Variants in MYT1 observed in about 807,000 individuals in gnomAD.
MYT1 encodes myelin transcription factor I.
Under a neutral mutation model 123.0 loss-of-function variants are expected in MYT1, and 23 were observed. The ratio of observed to expected loss-of-function variants is 0.19; its 90% confidence interval spans 0.13 to 0.26. The LOEUF (loss-of-function observed/expected upper bound fraction) is 0.26, where lower values mean the gene tolerates loss of function less well. Ranked by LOEUF, MYT1 falls within the 10% of genes least tolerant of loss-of-function variation. The pLI, the probability that MYT1 is intolerant of heterozygous loss-of-function variation, is 1.00. For synonymous variants in MYT1, 518 were observed against 575.3 expected (o/e 0.90, Z 1.43); for missense variants, 1,125 against 1,472.5 (o/e 0.76, Z 3.86).
chr20:64,189,350 G>A lies in MYT1; in HGVS notation c.-98-713G>A, dbSNP rs932824047. Among the ~76,000 whole-genome samples, 3 of 152,220 alleles carry A rather than the reference G, an allele frequency of 2.0e-5. No individual in the cohort carries two copies. Among genetic ancestry groups the A allele is most frequent in the African/African-American group, 4.8e-5 (2 of 41,456 alleles). ...AACGGGGAGTGACGTGCAGGGAATA[G>A]GTACACAATGCGTTTCTTTGTCATG... On this transcript the variant is annotated intron_variant, in intron 1 of 22. Transcript: ENST00000328439. This position sits in a 1 kb window ranked among gnomAD's most constrained non-coding sequence, Gnocchi z 5.5.
intron 18 of MYT1, among the ~76,000 whole-genome samples, chr20:64,229,454 CAA>C (rs1984261963): frequency 6.6e-6 from 1 of 152,050 alleles, no homozygotes; most frequent in African/African-American, 2.4e-5. Flanking sequence ...TAAAAAAAAA[CAA>C]GAGTTCTGCA....
chr20:64,207,567 C>T (rs377010722), intron 6 of MYT1, 27 bp from the exon 7 acceptor site: 184 of 1,599,444 alleles, frequency 1.2e-4, no homozygotes, highest in Non-Finnish European at 1.5e-4. Context: ...GCTCTCTGGC[C>T]CCCACGTTGA....
chr20:64,195,354 C>CTGTGTGTGTG (rs5741790), intron 2 of MYT1, among the ~76,000 whole-genome samples: 63 of 98,846 alleles, frequency 6.4e-4, no homozygotes, highest in Middle Eastern at 6.7e-3. Flanking sequence ...ATGGTGAGAA[C>CTGTGTGTGTG]TGTGTGTGTG....
intron 19 of MYT1, among the ~76,000 whole-genome samples, chr20:64,235,689 G>GGTGGTGGGTGACACTGGGCTGACC (rs1568722674): frequency 1.1e-5 from 1 of 88,850 alleles, no homozygotes; most frequent in Admixed American, 1.1e-4. Context: ...CTGGGCTGGT[G>GGTGGTGGGTGACACTGGGCTGACC]GTGGTGGGTG....
intron 16 of MYT1, among the ~76,000 whole-genome samples, chr20:64,225,022 C>T (rs1984127549): frequency 6.6e-6 from 1 of 152,218 alleles, no homozygotes; most frequent in Non-Finnish European, 1.5e-5. Context: ...CGACCAAAAG[C>T]CTCCCCTGTG....
At chr20:64,195,040 C>T (rs550262946) in intron 2 of MYT1, among the ~76,000 whole-genome samples, 6 of 152,118 alleles carry the variant, frequency 3.9e-5, no homozygotes, top group Admixed American at 1.3e-4. Flanking sequence ...GGACTACAGG[C>T]GGCCGCCACC....
intron 16 of MYT1, 146 bp downstream of exon 16, chr20:64,223,505 G>C: frequency 1.1e-6 from 1 of 893,512 alleles, no homozygotes; most frequent in Non-Finnish European, 1.8e-6. Flanking sequence ...GAGGGGCAGG[G>C]CCGTGGAGGG....
chr20:64,219,155 C>A, intron 12 of MYT1, 120 bp downstream of exon 12: 1 of 1,339,732 alleles, frequency 7.5e-7, no homozygotes, highest in Non-Finnish European at 1.0e-6. Context: ...GCTGGCAATT[C>A]TCATTCTTAA....
At position 64,221,889 on chromosome 20, in the gene MYT1, G is replaced by A; in HGVS notation, c.2242-4G>A. The A allele has an allele frequency of 6.2e-7, 1 of 1,611,990 alleles. No homozygotes were observed. The highest frequency in any genetic ancestry group is 8.5e-7 in the Non-Finnish European group (1 of 1,179,626). Reference sequence around the variant, plus strand: ...TAAAACATCTTCCTGCTGGTTTTTTGCAGTCAGAGCCAGCAGCCCATTCTT... The same window carrying A: ...TAAAACATCTTCCTGCTGGTTTTTTACAGTCAGAGCCAGCAGCCCATTCTT... On this transcript the variant is annotated splice_polypyrimidine_tract_variant and splice_region_variant and intron_variant, in intron 13 of 22. Transcript: ENST00000328439.
intron 10 of MYT1, among the ~76,000 whole-genome samples, chr20:64,216,106 T>C (rs1201974485): frequency 6.6e-6 from 1 of 152,170 alleles, no homozygotes; most frequent in African/African-American, 2.4e-5. Flanking sequence ...TGGGCTCTGT[T>C]CTTAGTCCAC....
At chr20:64,197,521 G>A (rs908363922) in intron 2 of MYT1, among the ~76,000 whole-genome samples, 5 of 152,184 alleles carry the variant, frequency 3.3e-5, no homozygotes, top group African/African-American at 1.2e-4. Flanking sequence ...CTGTGGCCTG[G>A]GACAGGTGTG....
chr20:64,205,567 C>T lies in MYT1; in HGVS notation c.164C>T (p.Pro55Leu). Residue 55 changes from proline (P) to leucine (L), a missense_variant, in exon 6 of 23, where the codon CCC (proline) becomes CTC (leucine). Pro to Leu is a moderately conservative substitution (Grantham distance 98, BLOSUM62 -3). Transcript: ENST00000328439. ...CTCCCTCCCAGTTTACAGAGCTGCC[C>T]CCTGGCCAAGAAGAGGAAGCTGGAG... ...YSRHRSLQSC[P>L]LAKKRKLEGA... is the part of the protein sequence containing the mutation. 6.2e-7 allele frequency: 1 copy of T among 1,614,034 alleles called. No individual in the cohort carries two copies. Among genetic ancestry groups the T allele is most frequent in the South Asian group, 1.1e-5 (1 of 91,076 alleles).
Position 64,192,837 on chromosome 20 carries a change from C to A in MYT1, c.-1+2677C>A, listed in dbSNP as rs900397818. On this transcript the variant is annotated intron_variant, in intron 2 of 22. Transcript: ENST00000328439. The surrounding 1 kb of genome is among the most constrained non-coding windows in gnomAD (Gnocchi z 5.3). ...GGGAAGGAGCTGCCACTGGGTATGG[C>A]CCTTCTGGCCTCTCTTTATGTTGTT... 1.3e-5 allele frequency among the ~76,000 whole-genome samples: 2 copies of A among 152,228 alleles called. No individual in the cohort carries two copies. Among genetic ancestry groups the A allele is most frequent in the African/African-American group, 4.8e-5 (2 of 41,458 alleles).
intron 2 of MYT1, among the ~76,000 whole-genome samples, chr20:64,194,125 C>G (rs573510852): frequency 6.6e-6 from 1 of 152,210 alleles, no homozygotes; most frequent in African/African-American, 2.4e-5. Flanking sequence ...CCTTAAATGA[C>G]ATGCACTAAG....
At position 64,196,369 on chromosome 20, in the gene MYT1, C is replaced by T. The variant is rs906018267; in HGVS notation, c.1-2493C>T. On this transcript the variant is annotated intron_variant, in intron 2 of 22. Transcript: ENST00000328439. This position sits in a 1 kb window ranked among gnomAD's most constrained non-coding sequence, Gnocchi z 4.3. ...CTCTCCATCTACCACATCGTGGTGCCGATCTTGCGGCAGGAGGAGAGCAGA... is the reference window on the plus strand; with the variant it reads ...CTCTCCATCTACCACATCGTGGTGCTGATCTTGCGGCAGGAGGAGAGCAGA... Among the ~76,000 whole-genome samples, 2 of 152,188 alleles carry T rather than the reference C, an allele frequency of 1.3e-5. No homozygotes were observed. Among genetic ancestry groups the T allele is most frequent in the African/African-American group, 2.4e-5 (1 of 41,454 alleles).
chr20:64,166,037 C>T lies in MYT1; in HGVS notation c.-99+1298C>T, dbSNP rs1982070244. On this transcript the variant is annotated intron_variant, in intron 1 of 22. Transcript: ENST00000328439. The surrounding 1 kb of genome is among the most constrained non-coding windows in gnomAD (Gnocchi z 4.9). ...GGGAGTGGGGGTGCTGTATCCTCTA[C>T]AGGGCTGACTGAGGGAGGCTCCCCT... 6.6e-6 allele frequency among the ~76,000 whole-genome samples: 1 copy of T among 152,168 alleles called. No individual in the cohort carries two copies.
chr20:64,204,520 G>C (rs1027134599), intron 4 of MYT1, among the ~76,000 whole-genome samples: 1 of 152,232 alleles, frequency 6.6e-6, no homozygotes, highest in Non-Finnish European at 1.5e-5. Flanking sequence ...TCTGTGGCTT[G>C]GGCCACAGAT....
At chr20:64,198,745 A>C (rs544302086) in intron 2 of MYT1, 117 bp from the exon 3 acceptor site, 54 of 1,125,214 alleles carry the variant, frequency 4.8e-5, no homozygotes, top group South Asian at 2.6e-4. Context: ...TTCTGTGCCC[A>C]AAATCACCTT....
chr20:64,207,370 C>T (rs573306874), intron 6 of MYT1, among the ~76,000 whole-genome samples: 2 of 152,328 alleles, frequency 1.3e-5, no homozygotes, highest in African/African-American at 4.8e-5. Flanking sequence ...GGCCCATGAC[C>T]TGCCTCCTAA....
Sources: gnomAD v4.1 joint callset for allele counts (sites outside exome capture counted in the v4.1 genomes callset) on GRCh38, gnomAD v4.1.1 for gene constraint, Gnocchi (gnomAD v3.1) non-coding constraint, MANE v1.5 for transcripts, NCBI Gene and HGNC (gene_info 2026-07-23, HGNC 2026-07-21) for gene names.